NLRC5: variants seen among roughly 807,000 people sequenced by gnomAD.
The protein encoded by NLRC5 is NLR family CARD domain containing 5, also known as protein NLRC5.
Under a neutral mutation model 206.9 loss-of-function variants are expected in NLRC5, and 114 were observed. The ratio of observed to expected loss-of-function variants is 0.55; its 90% CI spans 0.47 to 0.64. NLRC5 has a LOEUF of 0.64. Ranked by LOEUF, NLRC5 falls within the 30% of genes least tolerant of loss-of-function variation. The pLI is 0.00. For missense variants in NLRC5, 2,008 were observed against 2,305.5 expected, an observed-to-expected ratio of 0.87 and a Z score of 2.64; for synonymous variants, 952 against 962.8, an observed-to-expected ratio of 0.99 and a Z score of 0.21.
chr16:56,993,122 T>TATCTATATAC (rs2057125836), intron 1 of NLRC5, among the ~76,000 whole-genome samples: 2 of 91,188 alleles, frequency 2.2e-5, no homozygotes, highest in Non-Finnish European at 4.3e-5. Context: ...TATATATGTG[T>TATCTATATAC]ATATATATAT....
chr16:57,052,041 T>C (rs1277560285), intron 24 of NLRC5, among the ~76,000 whole-genome samples: 3 of 152,208 alleles, frequency 2.0e-5, no homozygotes, highest in African/African-American at 4.8e-5. Context: ...AGAAAGGGGC[T>C]GTACAGATGT....
Position 57,025,859 on chromosome 16 carries a change from T to C in NLRC5, c.916T>C (p.Phe306Leu). The C allele has an allele frequency of 6.2e-7, 1 of 1,614,266 alleles. No individual in the cohort carries two copies. The highest frequency in any genetic ancestry group is 8.5e-7 in the Non-Finnish European group (1 of 1,180,044). Reference protein sequence around the residue: ...EKNADQVLLIFDGLDEALQPM... With the variant: ...EKNADQVLLILDGLDEALQPM... ...GAACGCTGACCAAGTCCTGCTGATC[T>C]TTGATGGGCTAGATGAGGCCCTCCA... is the stretch of plus-strand genomic sequence containing the variant. The change falls in exon 6 of 49, where the codon TTT becomes CTT. Residue 306 changes from phenylalanine (F) to leucine (L), a missense_variant. By Grantham distance (22) the Phe-to-Leu change is conservative (BLOSUM62 0). Coordinates refer to ENST00000688547, the MANE Select transcript of NLRC5 (RefSeq NM_001384950.1).
intron 32 of NLRC5, 143 bp downstream of exon 32, chr16:57,061,844 T>C (rs1368615005): frequency 6.5e-7 from 1 of 1,535,216 alleles, no homozygotes; most frequent in African/African-American, 1.4e-5. Context: ...GAGCAAACCC[T>C]GTCCATCTGT....
chr16:57,034,212 T>C lies in NLRC5; in HGVS notation c.2588T>C (p.Ile863Thr), dbSNP rs2062228327. The stretch of plus-strand genomic sequence containing the variant: ...CAGGTCCACGATGCGGAGGCCCTCA[T>C]AGCCCTGCTCCAGGAAGGCCCTCAC... ...QLQVHDAEAL[I>T]ALLQEGPHLE... Residue 863 changes from isoleucine (I) to threonine (T), a missense_variant, in exon 13 of 49, where the codon ATA (isoleucine) becomes ACA (threonine). Ile to Thr is a moderately conservative substitution (Grantham distance 89). Coordinates refer to ENST00000688547, the MANE Select transcript of NLRC5 (RefSeq NM_001384950.1). The C allele has an allele frequency of 6.2e-7, 1 of 1,614,008 alleles. No homozygotes were observed. The highest frequency in any genetic ancestry group is 8.5e-7 in the Non-Finnish European group (1 of 1,179,942).
Position 57,023,827 on chromosome 16 carries a change from G to C in NLRC5, c.398G>C (p.Arg133Pro). ...PHQSCGSSPR[R>P]KQCKKQQLEL... ...CAGAGCTGTGGGTCCTCACCCCGCC[G>C]GAAGCAGTGCAAGAAGCAGCAGCTA... The change falls in exon 5 of 49, where the codon CGG (arginine) becomes CCG (proline). Residue 133 changes from arginine to proline, a missense_variant. Arg to Pro is a moderately radical substitution (Grantham distance 103). Coordinates refer to ENST00000688547, the MANE Select transcript of NLRC5 (RefSeq NM_001384950.1). 6.2e-7 allele frequency: 1 copy of C among 1,611,780 alleles called. No homozygotes were observed.
chr16:57,034,311 A>C (rs1389300004), intron 13 of NLRC5, 60 bp downstream of exon 13: 9 of 757,340 alleles, frequency 1.2e-5, no homozygotes, highest in African/African-American at 3.6e-5. Context: ...GAGGGTGGGC[A>C]GGGCCTCGCC....
chr16:57,017,595 T>A (rs1359231970), intron 2 of NLRC5, among the ~76,000 whole-genome samples: 3 of 152,152 alleles, frequency 2.0e-5, no homozygotes, highest in Non-Finnish European at 2.9e-5. Context: ...GGATTGCTCC[T>A]CCACATCATC....
At chr16:57,045,421 A>G (rs755609745) in intron 20 of NLRC5, 27 bp from the exon 21 acceptor site, 3 of 1,613,940 alleles carry the variant, frequency 1.9e-6, no homozygotes, top group African/African-American at 2.7e-5. Context: ...GACCATTTTC[A>G]AACTGCTGCT....
At chr16:57,012,002 G>C (rs1309434657) in intron 1 of NLRC5, among the ~76,000 whole-genome samples, 2 of 152,020 alleles carry the variant, frequency 1.3e-5, no homozygotes, top group African/African-American at 4.8e-5. Context: ...TCTGGTTTTG[G>C]GACATTTTCA....
intron 14 of NLRC5, 47 bp from the exon 15 acceptor site, chr16:57,037,148 G>T: frequency 6.6e-7 from 1 of 1,506,658 alleles, no homozygotes; most frequent in South Asian, 1.1e-5. Context: ...GCTGGGGCTG[G>T]GTACCTCAGC....
intron 1 of NLRC5, chr16:56,992,139 G>C (rs551824857): frequency 6.6e-6 from 1 of 152,186 alleles, no homozygotes; most frequent in Non-Finnish European, 1.5e-5. Context: ...GGAGAGGCAA[G>C]GACGGATCCT....
intron 1 of NLRC5, among the ~76,000 whole-genome samples, chr16:56,994,542 A>G (rs182695945): frequency 6.6e-6 from 1 of 152,198 alleles, no homozygotes; most frequent in Non-Finnish European, 1.5e-5. Context: ...TGCATGTCAT[A>G]TGAGGTCAGG....
intron 11 of NLRC5, among the ~76,000 whole-genome samples, 173 bp from the exon 12 acceptor site, chr16:57,033,431 C>T (rs1427460898): frequency 1.3e-5 from 2 of 152,206 alleles, no homozygotes; most frequent in East Asian, 3.8e-4. Context: ...AACCTGTTGC[C>T]CCTCCTGCTC....
At chr16:57,067,338 C>T (rs760345876) in intron 34 of NLRC5, 49 bp from the exon 35 acceptor site, 1 of 1,474,038 alleles carries the variant, frequency 6.8e-7, no homozygotes, top group Non-Finnish European at 9.5e-7. Context: ...CTGAATCCCA[C>T]ATACTGGACT....
chr16:56,992,188 C>T (rs2056976175), intron 1 of NLRC5: 1 of 152,168 alleles, frequency 6.6e-6, no homozygotes, highest in Non-Finnish European at 1.5e-5. Flanking sequence ...CCTGACCACA[C>T]CTCGATCTCA....
Position 57,039,700 on chromosome 16 carries a change from G to C in NLRC5, c.2802-81G>C. 2.3e-6 allele frequency: 3 copies of C among 1,307,656 alleles called. No individual in the cohort carries two copies. In the South Asian group the frequency reaches 3.6e-5, roughly 16 times the overall value. 81.0% of individuals were successfully genotyped at this position (1,307,656 alleles called of 1,614,324 possible). A position where few individuals can be genotyped will look rare whatever the true frequency, so the allele number is the denominator to read the frequency against. On this transcript the variant is annotated intron_variant, in intron 15 of 48. Coordinates refer to ENST00000688547, the MANE Select transcript of NLRC5 (RefSeq NM_001384950.1). ...CCACTGCACACCAGCTTGGGCAACA[G>C]ACTGAGACCTTCTCTCAAAAAGAAA...
At chr16:57,068,187 T>G (rs953923268) in intron 36 of NLRC5, among the ~76,000 whole-genome samples, 7 of 152,194 alleles carry the variant, frequency 4.6e-5, no homozygotes, top group Non-Finnish European at 8.8e-5. Context: ...CCTAGCACTT[T>G]GGGAGGCCGA....
At chr16:57,055,553 A>G in intron 27 of NLRC5, 34 bp downstream of exon 27, 1 of 1,563,770 alleles carries the variant, frequency 6.4e-7, no homozygotes, top group African/African-American at 1.4e-5. Flanking sequence ...GGAGAGGAGC[A>G]TGGACGCATG....
intron 23 of NLRC5, among the ~76,000 whole-genome samples, chr16:57,049,073 T>TA (rs2064433282): frequency 6.6e-6 from 1 of 150,526 alleles, no homozygotes; most frequent in Non-Finnish European, 1.5e-5. Context: ...GGGCCACACA[T>TA]AAAATACACT....
Sources: gnomAD v4.1 joint callset for allele counts (sites outside exome capture counted in the v4.1 genomes callset) on GRCh38, gnomAD v4.1.1 for gene constraint, MANE v1.5 for transcripts, NCBI Gene and HGNC (gene_info 2026-07-23, HGNC 2026-07-21) for gene names.